Variants in TTC28 observed in about 807,000 individuals in gnomAD.
TTC28 encodes tetratricopeptide repeat protein 28.
TTC28 carries 61 observed loss-of-function variants against 198.0 expected under a neutral mutation model. The observed-to-expected ratio is 0.31, with a 90% CI of 0.25 to 0.38. The LOEUF (loss-of-function observed/expected upper bound fraction) is 0.38, where lower values mean the gene tolerates loss of function less well. TTC28 is among the 10% of genes least tolerant of loss of function. The pLI, the probability that TTC28 is intolerant of heterozygous loss-of-function variation, is 1.00. For missense variants in TTC28, 2,678 were observed against 3,164.0 expected, an observed-to-expected ratio of 0.85 and a Z score of 3.69; for synonymous variants, 1,171 against 1,297.8, an observed-to-expected ratio of 0.90 and a Z score of 2.10.
At chr22:28,031,592 C>CA (rs1939078428) in intron 12 of TTC28, among the ~76,000 whole-genome samples, 1 of 152,098 alleles carries the variant, frequency 6.6e-6, no homozygotes, top group South Asian at 2.1e-4. Flanking sequence ...TTCAAATGGC[C>CA]AAGCTGGCGA....
At chr22:28,577,812 T>G (rs1240717375) in intron 2 of TTC28, among the ~76,000 whole-genome samples, 1 of 152,174 alleles carries the variant, frequency 6.6e-6, no homozygotes, top group African/African-American at 2.4e-5. Flanking sequence ...TCCATTTGCA[T>G]GGAGTATCTT....
At chr22:28,454,143 G>A (rs560522529) in intron 2 of TTC28, among the ~76,000 whole-genome samples, 14 of 152,064 alleles carry the variant, frequency 9.2e-5, no homozygotes, top group South Asian at 2.1e-4. Flanking sequence ...AAATTAACCC[G>A]CCCCCCTACT....
At position 28,460,177 on chromosome 22, in the gene TTC28, GC is replaced by G. The variant is rs2047926225; in HGVS notation, c.382-153535del. 2.8e-4 allele frequency among the ~76,000 whole-genome samples: 42 copies of G among 152,038 alleles called. 1 individual carries two copies. Among genetic ancestry groups the G allele is most frequent in the Non-Finnish European group, 2.9e-5 (2 of 68,004 alleles). ...AACAAAAGTTGAATAAGCAAAAGAA[GC>G]CAGGTCAGACTCAAAGTATCTTAAC... On this transcript the variant is annotated intron_variant, in intron 2 of 22. Coordinates refer to ENST00000397906, the MANE Select transcript of TTC28 (RefSeq NM_001145418.2).
At chr22:28,088,603 G>C (rs1000764298) in intron 12 of TTC28, among the ~76,000 whole-genome samples, 11 of 152,284 alleles carry the variant, frequency 7.2e-5, no homozygotes, top group East Asian at 3.9e-4. Context: ...ATAGGCATGG[G>C]CAAGGACTTC....
rs1043658182 is a variant in TTC28, at chr22:27,996,183, C to A, written c.5196G>T (p.Leu1732=). The change falls in exon 17 of 23, where the codon CTG becomes CTT. Residue 1732 remains leucine, a synonymous_variant. Coordinates refer to ENST00000397906, the MANE Select transcript of TTC28 (RefSeq NM_001145418.2). The stretch of plus-strand genomic sequence containing the variant: ...CGTCCCGCGCACGCTCCGGGTGCTG[C>A]AGGATCTCTGTGAGGGCCTGGCCGA... The part of the protein sequence containing the change: ...SLIGQALTEI[L]QHPERARDAL... The A allele has an allele frequency of 3.9e-6, 6 of 1,551,062 alleles. No individual in the cohort carries two copies. In the African/African-American group the frequency reaches 8.2e-5, roughly 21 times the overall value.
intron 13 of TTC28, among the ~76,000 whole-genome samples, chr22:28,023,203 G>A (rs1005567657): frequency 7.2e-5 from 11 of 152,232 alleles, no homozygotes; most frequent in African/African-American, 2.7e-4. Context: ...CACCAAGAGG[G>A]TCTGCACCTG....
chr22:28,158,746 T>C (rs1208120215), intron 6 of TTC28, among the ~76,000 whole-genome samples: 2 of 152,220 alleles, frequency 1.3e-5, no homozygotes, highest in Admixed American at 6.5e-5. Flanking sequence ...TCCCTTGTCG[T>C]ATCTAAAAAT....
At chr22:28,285,733 TTAAATAATC>T (rs1458826142) in intron 5 of TTC28, among the ~76,000 whole-genome samples, 2 of 152,204 alleles carry the variant, frequency 1.3e-5, no homozygotes, top group Non-Finnish European at 2.9e-5. Flanking sequence ...ATAAAATTTT[TTAAATAATC>T]TAATGTGTAA....
intron 3 of TTC28, among the ~76,000 whole-genome samples, chr22:28,305,057 C>T (rs1487006073): frequency 2.6e-5 from 4 of 151,896 alleles, no homozygotes; most frequent in African/African-American, 9.7e-5. Context: ...GGTGCGATCT[C>T]GGCTCACTGC....
At chr22:28,387,167 G>A (rs375014674) in intron 2 of TTC28, among the ~76,000 whole-genome samples, 216 of 152,258 alleles carry the variant, frequency 1.4e-3, no homozygotes, top group African/African-American at 4.9e-3. Flanking sequence ...TACAAAGGAC[G>A]TGAACTCATC....
chr22:28,141,294 T>C (rs1943327681), intron 6 of TTC28, among the ~76,000 whole-genome samples: 1 of 152,200 alleles, frequency 6.6e-6, no homozygotes, highest in Admixed American at 6.5e-5. Flanking sequence ...GTTTCCTTCA[T>C]AGTACTTAGC....
chr22:28,097,798 C>T (rs1942020863), intron 10 of TTC28, among the ~76,000 whole-genome samples: 1 of 152,116 alleles, frequency 6.6e-6, no homozygotes, highest in Non-Finnish European at 1.5e-5. Context: ...ATGTAAATGT[C>T]TCCTTTTACT....
chr22:28,153,989 T>C (rs995229644), intron 6 of TTC28, among the ~76,000 whole-genome samples: 1 of 152,188 alleles, frequency 6.6e-6, no homozygotes, highest in Non-Finnish European at 1.5e-5. Flanking sequence ...ATGGCAGGTG[T>C]ATACTAAGTC....
intron 1 of TTC28, among the ~76,000 whole-genome samples, chr22:28,651,429 G>A (rs1179314169): frequency 6.6e-6 from 1 of 151,810 alleles, no homozygotes; most frequent in African/African-American, 2.4e-5. Context: ...AGTCTCCCAA[G>A]TAGCTGGAAC....
chr22:28,006,039 G>C (rs976850199), intron 14 of TTC28, among the ~76,000 whole-genome samples: 1 of 152,344 alleles, frequency 6.6e-6, no homozygotes, highest in South Asian at 2.1e-4. Flanking sequence ...ATGAAAAGCC[G>C]TGTGCAGTGG....
intron 3 of TTC28, among the ~76,000 whole-genome samples, chr22:28,305,227 G>C (rs1485141175): frequency 7.9e-5 from 12 of 151,992 alleles, no homozygotes; most frequent in Non-Finnish European, 1.6e-4. Context: ...TCCTGACCTC[G>C]TGATCTGCCC....
chr22:28,510,189 C>T (rs1482579436), intron 2 of TTC28, among the ~76,000 whole-genome samples: 1 of 152,178 alleles, frequency 6.6e-6, no homozygotes, highest in Non-Finnish European at 1.5e-5. Flanking sequence ...ATGAGGCCAG[C>T]ATCATCCTAA....
chr22:28,028,259 T>G (rs1360896704), intron 13 of TTC28, among the ~76,000 whole-genome samples: 2 of 152,162 alleles, frequency 1.3e-5, no homozygotes, highest in African/African-American at 2.4e-5. Context: ...GCCTTGCTGC[T>G]CCCCACTCAG....
At chr22:28,493,696 T>C (rs2048409944) in intron 2 of TTC28, among the ~76,000 whole-genome samples, 1 of 152,232 alleles carries the variant, frequency 6.6e-6, no homozygotes, top group Non-Finnish European at 1.5e-5. Flanking sequence ...ACAATACTTC[T>C]GAGACAGTGT....
Sources: gnomAD v4.1 joint callset for allele counts (sites outside exome capture counted in the v4.1 genomes callset) on GRCh38, gnomAD v4.1.1 for gene constraint, MANE v1.5 for transcripts, NCBI Gene and HGNC (gene_info 2026-07-23, HGNC 2026-07-21) for gene names.